The following UGT2B7 variants were observed in gnomAD, a reference collection of about 807,000 sequenced individuals.
UGT2B7 encodes the protein UDP-glucuronosyltransferase 2B7.
In UGT2B7, 51 loss-of-function variants were observed where a neutral mutation model predicts 51.9. The observed-to-expected ratio is 0.98, with a 90% confidence interval of 0.78 to 1.24. The LOEUF (loss-of-function observed/expected upper bound fraction) is 1.24, where lower values mean the gene tolerates loss of function less well. UGT2B7 is among the 50% of genes most tolerant of loss of function. UGT2B7 has a pLI of 0.00. For synonymous variants in UGT2B7, 225 were observed against 211.6 expected, an observed-to-expected ratio of 1.06 and a Z score of -0.55; for missense variants, 727 against 628.4, an observed-to-expected ratio of 1.16 and a Z score of -1.68.
At chr4:69,110,155 C>A (rs1719731285) in intron 5 of UGT2B7, among the ~76,000 whole-genome samples, 1 of 152,006 alleles carries the variant, frequency 6.6e-6, no homozygotes, top group African/African-American at 2.4e-5. Flanking sequence ...CATACATACA[C>A]ACACAATAAA....
chr4:69,085,673 G>A (rs904023369), intron 1 of UGT2B7, among the ~76,000 whole-genome samples: 5 of 151,486 alleles, frequency 3.3e-5, no homozygotes, highest in African/African-American at 1.2e-4. Context: ...TTTTGTTTTT[G>A]TTTTGTGAGT....
intron 1 of UGT2B7, among the ~76,000 whole-genome samples, chr4:69,061,779 C>T (rs1371575361): frequency 6.6e-6 from 1 of 152,146 alleles, no homozygotes; most frequent in Non-Finnish European, 1.5e-5. Context: ...CTGAAAAGGG[C>T]CCACTCAGCC....
At chr4:69,056,258 T>C (rs922646019) in intron 1 of UGT2B7, among the ~76,000 whole-genome samples, 8 of 152,172 alleles carry the variant, frequency 5.3e-5, no homozygotes, top group Non-Finnish European at 2.9e-5. Context: ...GGGCACAAGA[T>C]GGCTCATGAA....
At chr4:69,056,048 T>C (rs1247480610) in intron 1 of UGT2B7, among the ~76,000 whole-genome samples, 1 of 151,586 alleles carries the variant, frequency 6.6e-6, no homozygotes, top group Non-Finnish European at 1.5e-5. Flanking sequence ...GAGCTTATGC[T>C]AAGCTGCCTG....
rs1178105215 is a variant in UGT2B7, at chr4:69,102,854, GTT to G, written c.921_922del (p.Leu309GlyfsTer6). The G allele has an allele frequency of 6.2e-7, 1 of 1,613,616 alleles. No homozygotes were observed. The highest frequency in any genetic ancestry group is 2.2e-5 in the East Asian group (1 of 44,846). ...QSSGENGVVVFSLGSMVSNMT... is the reference protein window; with the variant it reads ...QSSGENGVVVXSLGSMVSNMT... ...GCTCTGGAGAAAATGGTGTTGTGGT[GTT>G]TTCTCTGGGGTCAATGGTCAGTAAC... On this transcript the variant is annotated frameshift_variant, in exon 3 of 6. Transcript: ENST00000305231. LOFTEE classifies it high-confidence loss of function.
intron 1 of UGT2B7, among the ~76,000 whole-genome samples, chr4:69,081,471 A>T (rs1435331421): frequency 6.6e-6 from 1 of 152,152 alleles, no homozygotes; most frequent in Admixed American, 6.6e-5. Flanking sequence ...CTTTCCTTAA[A>T]ACTAGATTAA....
chr4:69,071,363 T>C (rs1046054594), intron 1 of UGT2B7, among the ~76,000 whole-genome samples: 1 of 152,116 alleles, frequency 6.6e-6, no homozygotes, highest in African/African-American at 2.4e-5. Context: ...GAAAACTAAA[T>C]TGTAGGTGGA....
intron 5 of UGT2B7, among the ~76,000 whole-genome samples, chr4:69,111,640 A>G (rs542061583): frequency 6.6e-6 from 1 of 152,302 alleles, no homozygotes; most frequent in African/African-American, 2.4e-5. Context: ...TGATGTGATT[A>G]TTTCATATTG....
At chr4:69,067,018 A>G (rs1247835416) in intron 1 of UGT2B7, among the ~76,000 whole-genome samples, 1 of 152,120 alleles carries the variant, frequency 6.6e-6, no homozygotes, top group Non-Finnish European at 1.5e-5. Context: ...ATGCCTTATC[A>G]TACTCAGTGA....
chr4:69,076,725 TG>T (rs1202950931), intron 1 of UGT2B7, among the ~76,000 whole-genome samples: 51 of 152,228 alleles, frequency 3.4e-4, no homozygotes, highest in African/African-American at 1.2e-3. Flanking sequence ...TTTCCCATTC[TG>T]TAGGTTGCCT....
chr4:69,083,879 T>C (rs1718890536), intron 1 of UGT2B7, among the ~76,000 whole-genome samples: 1 of 152,060 alleles, frequency 6.6e-6, no homozygotes. Flanking sequence ...TTTTTTCTCT[T>C]GGCTACTTGC....
At chr4:69,103,884 A>G (rs984243123) in intron 3 of UGT2B7, among the ~76,000 whole-genome samples, 2 of 152,196 alleles carry the variant, frequency 1.3e-5, no homozygotes, top group Non-Finnish European at 2.9e-5. Context: ...TTCTCTGTTT[A>G]AGGATCTGTG....
chr4:69,061,118 C>A (rs1439041491), intron 1 of UGT2B7, among the ~76,000 whole-genome samples: 1 of 152,194 alleles, frequency 6.6e-6, no homozygotes, highest in East Asian at 1.9e-4. Context: ...TCTTTGTCTA[C>A]AGGAACTGCC....
chr4:69,052,381 T>G (rs2109855555), intron 1 of UGT2B7, among the ~76,000 whole-genome samples: 1 of 152,182 alleles, frequency 6.6e-6, no homozygotes, highest in East Asian at 1.9e-4. Flanking sequence ...TAATTTAGAC[T>G]AAACAAGGTC....
Position 69,112,915 on chromosome 4 carries a change from C to A in UGT2B7, c.*179C>A. 1 of 913,678 alleles carries A rather than the reference C, an allele frequency of 1.1e-6. No individual in the cohort carries two copies. Among genetic ancestry groups the A allele is most frequent in the East Asian group, 3.1e-5 (1 of 32,336 alleles). 56.6% of individuals were successfully genotyped at this position (913,678 alleles called of 1,614,324 possible). A position where few individuals can be genotyped will look rare whatever the true frequency, so the allele number is the denominator to read the frequency against. ...ATTTGTTTTTCAGAGATTTACCACC[C>A]AGTTCATGGTTAGAAATATTTTGTG... On this transcript the variant is annotated 3_prime_UTR_variant, in exon 6 of 6. Transcript: ENST00000305231.
chr4:69,069,099 CT>C (rs144896955), intron 1 of UGT2B7, among the ~76,000 whole-genome samples: 1 of 134,036 alleles, frequency 7.5e-6, no homozygotes, highest in South Asian at 2.4e-4. Flanking sequence ...GGAACAGATA[CT>C]TTAAAAAAAA....
chr4:69,108,029 C>T, intron 4 of UGT2B7, 74 bp from the exon 5 acceptor site: 1 of 1,542,584 alleles, frequency 6.5e-7, no homozygotes, highest in African/African-American at 1.4e-5. Context: ...AAAACACTGT[C>T]ACTTTCAGAG....
At chr4:69,102,092 GTAT>G (rs1719435670) in intron 2 of UGT2B7, among the ~76,000 whole-genome samples, 1 of 152,138 alleles carries the variant, frequency 6.6e-6, no homozygotes, top group African/African-American at 2.4e-5. Flanking sequence ...ATACAATTCT[GTAT>G]GATAAATGAG....
Position 69,096,642 on chromosome 4 carries a change from C to T in UGT2B7, c.122C>T (p.Thr41Ile), listed in dbSNP as rs58632287. 11 of 1,613,896 alleles carry T rather than the reference C, an allele frequency of 6.8e-6. No homozygotes were observed. In the African/African-American group the frequency reaches 1.3e-4, roughly 20 times the overall value. The change falls in exon 1 of 6, where the codon ACA becomes ATA. Residue 41 changes from threonine (T) to isoleucine (I), a missense_variant. Coordinates refer to ENST00000305231, the MANE Select transcript of UGT2B7 (RefSeq NM_001074.4). ...AEYSHWMNIK[T>I]ILDELIQRGH... ...TACAGCCATTGGATGAATATAAAGA[C>T]AATCCTGGATGAGCTTATTCAGAGA...
Sources: gnomAD v4.1 joint callset for allele counts (sites outside exome capture counted in the v4.1 genomes callset) on GRCh38, gnomAD v4.1.1 for gene constraint, MANE v1.5 for transcripts, NCBI Gene and HGNC (gene_info 2026-07-23, HGNC 2026-07-21) for gene names.